B3GALT1: variants seen among roughly 807,000 people sequenced by gnomAD.
The protein encoded by B3GALT1 is UDP-Gal:betaGlcNAc beta 1,3-galactosyltransferase, polypeptide 1.
A neutral mutation model predicts 23.2 loss-of-function variants in B3GALT1; 10 were observed. The observed-to-expected ratio is 0.43, with a 90% CI of 0.27 to 0.73. The LOEUF is 0.73. Ranked by LOEUF, B3GALT1 falls within the 30% of genes least tolerant of loss-of-function variation. B3GALT1 has a pLI of 0.21. For missense variants in B3GALT1, 299 were observed against 405.4 expected (o/e 0.74, Z 2.25); for synonymous variants, 156 against 141.5 (o/e 1.10, Z -0.73).
At chr2:167,502,652 A>C (rs1699863272) in intron 2 of B3GALT1, among the ~76,000 whole-genome samples, 1 of 152,084 alleles carries the variant, frequency 6.6e-6, no homozygotes, top group Admixed American at 6.5e-5. Flanking sequence ...ATCTCATGAG[A>C]TCTCACTCAC....
chr2:167,422,062 A>G (rs1457623264), intron 1 of B3GALT1, among the ~76,000 whole-genome samples: 2 of 145,858 alleles, frequency 1.4e-5, no homozygotes, highest in Non-Finnish European at 3.0e-5. Flanking sequence ...GAGGAGGAAG[A>G]GGAAGAGGAG....
At chr2:167,650,019 T>C (rs1274391163) in intron 3 of B3GALT1, among the ~76,000 whole-genome samples, 1 of 151,992 alleles carries the variant, frequency 6.6e-6, no homozygotes, top group Non-Finnish European at 1.5e-5. Context: ...GCTTTAGTTT[T>C]TTCACCACTG....
intron 3 of B3GALT1, among the ~76,000 whole-genome samples, chr2:167,656,514 T>C (rs1193611724): frequency 6.6e-6 from 1 of 152,194 alleles, no homozygotes; most frequent in Admixed American, 6.5e-5. Flanking sequence ...TGCATTTTCC[T>C]GAAAACTCTA....
chr2:167,377,532 G>T (rs1266032023), intron 1 of B3GALT1, among the ~76,000 whole-genome samples: 1 of 152,068 alleles, frequency 6.6e-6, no homozygotes, highest in Non-Finnish European at 1.5e-5. Flanking sequence ...TATATATGTT[G>T]TATAGTTAAC....
intron 3 of B3GALT1, among the ~76,000 whole-genome samples, chr2:167,807,099 C>T (rs1182269636): frequency 5.9e-5 from 9 of 152,226 alleles, no homozygotes; most frequent in African/African-American, 1.4e-4. Context: ...AGTTTATTTG[C>T]GTAGAGGTGT....
chr2:167,374,698 T>C (rs73019792), intron 1 of B3GALT1, among the ~76,000 whole-genome samples: 2,499 of 152,270 alleles, frequency 0.016, 73 homozygotes, highest in African/African-American at 0.057. Flanking sequence ...AGTGGGGTTA[T>C]TAGTTTTTGC....
At chr2:167,409,029 AT>A (rs1448354507) in intron 1 of B3GALT1, among the ~76,000 whole-genome samples, 1 of 152,190 alleles carries the variant, frequency 6.6e-6, no homozygotes, top group African/African-American at 2.4e-5. Flanking sequence ...AACTCCTAAA[AT>A]TTATCTGGAA....
At chr2:167,480,254 C>A (rs377576102) in intron 1 of B3GALT1, among the ~76,000 whole-genome samples, 17 of 152,058 alleles carry the variant, frequency 1.1e-4, no homozygotes, top group African/African-American at 3.6e-4. Flanking sequence ...AGTTTCAGCC[C>A]CCAGAGAGGG....
In B3GALT1 at chr2:167,581,238, A is replaced by G. The variant is rs184068320; in HGVS notation, c.-409-65671A>G. Among the ~76,000 whole-genome samples the G allele has an allele frequency of 1.3e-3, 205 of 152,334 alleles. 1 individual carries two copies. Among genetic ancestry groups the G allele is most frequent in the African/African-American group, 4.5e-3 (189 of 41,582 alleles). Reference sequence around the variant, plus strand: ...GACTGCCCATGTCCAAAGCATGCACACATTTACCTATGGAAAGCACTTTGT... The same window carrying G: ...GACTGCCCATGTCCAAAGCATGCACGCATTTACCTATGGAAAGCACTTTGT... On this transcript the variant is annotated intron_variant, in intron 2 of 4. Coordinates refer to ENST00000392690, the MANE Select transcript of B3GALT1 (RefSeq NM_020981.4).
chr2:167,483,028 T>C (rs1488036580), intron 1 of B3GALT1, among the ~76,000 whole-genome samples: 1 of 152,110 alleles, frequency 6.6e-6, no homozygotes, highest in Admixed American at 6.6e-5. Flanking sequence ...GCGGGGTGGC[T>C]CACTCCTGTA....
At chr2:167,579,802 T>G (rs1168203444) in intron 2 of B3GALT1, among the ~76,000 whole-genome samples, 2 of 152,144 alleles carry the variant, frequency 1.3e-5, no homozygotes, top group Admixed American at 1.3e-4. Context: ...AGGCAGGGAT[T>G]AGATTTCATT....
At chr2:167,859,478 A>G (rs1216647816) in intron 4 of B3GALT1, among the ~76,000 whole-genome samples, 1 of 152,180 alleles carries the variant, frequency 6.6e-6, no homozygotes, top group Non-Finnish European at 1.5e-5. Context: ...CAGAATAGCA[A>G]GAGCCCTAGG....
intron 3 of B3GALT1, among the ~76,000 whole-genome samples, chr2:167,733,668 C>T (rs1180623232): frequency 6.6e-6 from 1 of 152,210 alleles, no homozygotes; most frequent in Admixed American, 6.5e-5. Context: ...CTCCGAATGA[C>T]TTGCCAAGAA....
intron 2 of B3GALT1, among the ~76,000 whole-genome samples, chr2:167,631,916 G>C (rs1366260596): frequency 6.6e-6 from 1 of 151,414 alleles, no homozygotes; most frequent in Non-Finnish European, 1.5e-5. Context: ...AGCTACATTA[G>C]GTATTTCTCC....
rs61214477 is a variant in B3GALT1 at position 167,793,856 on chromosome 2, T to G, written c.-351-24816T>G. ...GCCATAGACTGTGTCTCTCTATAAA[T>G]TCCCTGAGCACATTTCCTCTTTCAA... is the stretch of plus-strand genomic sequence containing the variant. On this transcript the variant is annotated intron_variant, in intron 3 of 4. Transcript: ENST00000392690. Among the ~76,000 whole-genome samples, 1,086 of 152,306 alleles carry G rather than the reference T, an allele frequency of 7.1e-3. 91 individuals are homozygous for G. The East Asian group carries it at 0.17, about 23-fold the overall frequency.
chr2:167,694,475 C>T (rs1436236986), intron 3 of B3GALT1, among the ~76,000 whole-genome samples: 1 of 152,082 alleles, frequency 6.6e-6, no homozygotes, highest in Non-Finnish European at 1.5e-5. Flanking sequence ...TCAATGTTTT[C>T]TATCTAAAGA....
At chr2:167,649,251 T>A (rs1469037915) in intron 3 of B3GALT1, among the ~76,000 whole-genome samples, 3 of 152,128 alleles carry the variant, frequency 2.0e-5, no homozygotes, top group Admixed American at 2.0e-4. Flanking sequence ...AATTCATGCA[T>A]AATAAATGTA....
chr2:167,555,900 C>T (rs1683840018), intron 2 of B3GALT1, among the ~76,000 whole-genome samples: 1 of 152,148 alleles, frequency 6.6e-6, no homozygotes, highest in Non-Finnish European at 1.5e-5. Context: ...TACCAACATG[C>T]ACAATGACTC....
At chr2:167,668,967 C>G (rs1284497059) in intron 3 of B3GALT1, among the ~76,000 whole-genome samples, 1 of 152,084 alleles carries the variant, frequency 6.6e-6, no homozygotes, top group African/African-American at 2.4e-5. Flanking sequence ...CCATCCTATC[C>G]CATTCTCTAA....
Sources: gnomAD v4.1 joint callset for allele counts (sites outside exome capture counted in the v4.1 genomes callset) on GRCh38, gnomAD v4.1.1 for gene constraint, MANE v1.5 for transcripts, NCBI Gene and HGNC (gene_info 2026-07-23, HGNC 2026-07-21) for gene names.